Variants in TPCN2 observed in about 807,000 individuals in gnomAD.
TPCN2 encodes the protein two pore segment channel 2.
In TPCN2, 92 loss-of-function variants were observed where a neutral mutation model predicts 111.4. The ratio of observed to expected loss-of-function variants is 0.83; its 90% CI spans 0.70 to 0.98. TPCN2 has a LOEUF of 0.98. Among genes scored for constraint, TPCN2 ranks in the 50% least tolerant of loss-of-function variants. The pLI is 0.00. For missense variants in TPCN2, 995 were observed against 980.1 expected, an observed-to-expected ratio of 1.02 and a Z score of -0.20; for synonymous variants, 405 against 414.5, an observed-to-expected ratio of 0.98 and a Z score of 0.28.
At chr11:69,056,054 G>A (rs191746414) in intron 4 of TPCN2, among the ~76,000 whole-genome samples, 1 of 152,386 alleles carries the variant, frequency 6.6e-6, no homozygotes, top group Admixed American at 6.5e-5. Flanking sequence ...CAGAGACTTA[G>A]TGCCTTTCCA....
At chr11:69,069,703 G>T (rs1393633844) in intron 8 of TPCN2, among the ~76,000 whole-genome samples, 1 of 69,704 alleles carries the variant, frequency 1.4e-5, no homozygotes, top group African/African-American at 5.2e-5. Flanking sequence ...GGAAGTGACC[G>T]CACTGGGAGC....
intron 7 of TPCN2, among the ~76,000 whole-genome samples, chr11:69,067,129 C>G (rs185891298): frequency 3.9e-5 from 6 of 152,232 alleles, no homozygotes; most frequent in African/African-American, 1.4e-4. Context: ...GGCCCCTCTG[C>G]TCCTCCTGCC....
At chr11:69,070,222 A>G (rs1291434117) in intron 8 of TPCN2, among the ~76,000 whole-genome samples, 1 of 151,736 alleles carries the variant, frequency 6.6e-6, no homozygotes, top group African/African-American at 2.4e-5. Flanking sequence ...ATGGAGTTTT[A>G]CTATGTTGGC....
chr11:69,055,391 C>T (rs1206853178), intron 4 of TPCN2, 39 bp downstream of exon 4: 1 of 1,539,950 alleles, frequency 6.5e-7, no homozygotes, highest in South Asian at 1.2e-5. Flanking sequence ...CTGCCCCGGC[C>T]TCCCAGCGCC....
chr11:69,072,978 C>A lies in TPCN2; in HGVS notation c.1207C>A (p.Leu403Ile). 1 of 1,613,818 alleles carries A rather than the reference C, an allele frequency of 6.2e-7. No individual in the cohort carries two copies. Among genetic ancestry groups the A allele is most frequent in the Non-Finnish European group, 8.5e-7 (1 of 1,179,856 alleles). ...AEEFQKLFNE[L>I]DRSVVKEHPP... ...GGAGTTTCAGAAGCTCTTCAACGAGCTTGACAGAAGTGTGGTTAAAGAGGT... is the reference window on the plus strand; with the variant it reads ...GGAGTTTCAGAAGCTCTTCAACGAGATTGACAGAAGTGTGGTTAAAGAGGT... Residue 403 changes from leucine (L) to isoleucine (I), a missense_variant, in exon 13 of 25, where the codon CTT (leucine) becomes ATT (isoleucine). By Grantham distance (5) the Leu-to-Ile change is conservative. Transcript: ENST00000294309.
intron 1 of TPCN2, among the ~76,000 whole-genome samples, chr11:69,052,203 G>C (rs978872914): frequency 6.6e-6 from 1 of 152,106 alleles, no homozygotes; most frequent in African/African-American, 2.4e-5. Flanking sequence ...CCCGGAACTC[G>C]GCCGCTTGTC....
chr11:69,061,312 C>G (rs2134545214), intron 5 of TPCN2, among the ~76,000 whole-genome samples: 2 of 151,926 alleles, frequency 1.3e-5, no homozygotes, highest in African/African-American at 4.8e-5. Context: ...AGGGGCTGGA[C>G]TGACTGGCTG....
rs371048358 is a variant in TPCN2 at position 69,078,730 on chromosome 11, G to A, written c.1351-4G>A. 5.4e-4 allele frequency: 868 copies of A among 1,613,802 alleles called. 1 individual carries two copies. The highest frequency in any genetic ancestry group is 6.6e-4 in the South Asian group (60 of 91,094). ...CCGGCGAGCCCTCTGTTCTGGCGTT[G>A]CAGGTGTTCCTGGTGCTGGATGCAG... On this transcript the variant is annotated splice_polypyrimidine_tract_variant and splice_region_variant and intron_variant, in intron 14 of 24. Coordinates refer to ENST00000294309, the MANE Select transcript of TPCN2 (RefSeq NM_139075.4).
At chr11:69,060,334 C>A (rs577833391) in intron 5 of TPCN2, among the ~76,000 whole-genome samples, 30 of 152,242 alleles carry the variant, frequency 2.0e-4, no homozygotes, top group Non-Finnish European at 4.4e-4. Flanking sequence ...TTCAGCACGT[C>A]TGCAAACCAG....
chr11:69,058,424 A>G (rs1047880933), intron 5 of TPCN2, among the ~76,000 whole-genome samples: 2 of 152,028 alleles, frequency 1.3e-5, no homozygotes, highest in African/African-American at 4.8e-5. Context: ...GGAGGGGCCC[A>G]TAGAGCTGGG....
chr11:69,080,308 T>G (rs1855951003), intron 17 of TPCN2, among the ~76,000 whole-genome samples: 1 of 152,190 alleles, frequency 6.6e-6, no homozygotes, highest in South Asian at 2.1e-4. Flanking sequence ...AGTGTGACCT[T>G]GAGTCATCGC....
Position 69,087,914 on chromosome 11 carries a change from G to T in TPCN2, c.2220G>T (p.Glu740Asp). ...LEEPGEDELT[E>D]RLSQHPHLWL... ...AGCCCGGGGAGGATGAGCTCACAGA[G>T]AGGCTGAGCCAGCACCCGCACCTGT... Residue 740 changes from glutamate (E) to aspartate (D), a missense_variant, in exon 25 of 25, where the codon GAG becomes GAT. Glu to Asp is a conservative substitution (Grantham distance 45). Coordinates refer to ENST00000294309, the MANE Select transcript of TPCN2 (RefSeq NM_139075.4). The T allele has an allele frequency of 3.1e-6, 5 of 1,612,402 alleles. No individual in the cohort carries two copies. Among genetic ancestry groups the T allele is most frequent in the Non-Finnish European group, 4.2e-6 (5 of 1,179,864 alleles).
At chr11:69,067,865 T>G (rs1488989878) in intron 8 of TPCN2, among the ~76,000 whole-genome samples, 1 of 152,136 alleles carries the variant, frequency 6.6e-6, no homozygotes, top group Non-Finnish European at 1.5e-5. Flanking sequence ...TCTCACTCCC[T>G]CCTCCCTTTT....
In TPCN2 at chr11:69,081,405, C is replaced by G. The variant is rs776312101; in HGVS notation, c.1595C>G (p.Pro532Arg). The change falls in exon 18 of 25, where the codon CCG (proline) becomes CGG (arginine). Residue 532 changes from proline (P) to arginine (R), a missense_variant. By Grantham distance (103) the Pro-to-Arg change is moderately radical. Coordinates refer to ENST00000294309, the MANE Select transcript of TPCN2 (RefSeq NM_139075.4). ...CCTCCCGTGTCTCTCCCCAGGAGGC[C>G]GGAGATGGTGGGCCTGCTGTCGCTG... is the stretch of plus-strand genomic sequence containing the variant. ...VYRLPHPGWR[P>R]EMVGLLSLWD... 4.5e-6 allele frequency: 7 copies of G among 1,551,486 alleles called. No homozygotes were observed. The African/African-American group carries it at 5.4e-5, about 12-fold the overall frequency.
chr11:69,078,443 G>A, intron 13 of TPCN2, 39 bp from the exon 14 acceptor site: 2 of 1,610,896 alleles, frequency 1.2e-6, no homozygotes, highest in Non-Finnish European at 1.7e-6. Flanking sequence ...AGCCACGGCT[G>A]CTGGCCTGTG....
chr11:69,077,309 G>C (rs868438465), intron 13 of TPCN2, among the ~76,000 whole-genome samples: 1 of 13,220 alleles, frequency 7.6e-5, no homozygotes, highest in Admixed American at 6.1e-4. Context: ...CCCTCCTGCC[G>C]TGTCCCTCCA....
At chr11:69,076,078 G>C (rs894787943) in intron 13 of TPCN2, among the ~76,000 whole-genome samples, 1 of 152,222 alleles carries the variant, frequency 6.6e-6, no homozygotes, top group Non-Finnish European at 1.5e-5. Flanking sequence ...CGATAAAAGA[G>C]TAACTGCAAG....
At chr11:69,084,563 C>A (rs986371274) in intron 19 of TPCN2, 1 of 985,020 alleles carries the variant, frequency 1.0e-6, no homozygotes, top group African/African-American at 1.7e-5. Context: ...AGGAGAGGGG[C>A]CTGTGACCAG....
chr11:69,062,736 T>G, intron 5 of TPCN2, 148 bp from the exon 6 acceptor site: 1 of 723,990 alleles, frequency 1.4e-6, no homozygotes, highest in Non-Finnish European at 2.4e-6. Flanking sequence ...AGGCCAGCTC[T>G]GGAGCCAGGC....
Sources: gnomAD v4.1 joint callset for allele counts (sites outside exome capture counted in the v4.1 genomes callset) on GRCh38, gnomAD v4.1.1 for gene constraint, MANE v1.5 for transcripts, NCBI Gene and HGNC (gene_info 2026-07-23, HGNC 2026-07-21) for gene names.